The following CDH20 variants were observed in gnomAD, a reference collection of about 807,000 sequenced individuals.
CDH20 encodes cadherin-20.
A neutral mutation model predicts 74.2 loss-of-function variants in CDH20; 29 were observed. The observed-to-expected ratio is 0.39, with a 90% CI of 0.29 to 0.53. The LOEUF is 0.53. Ranked by LOEUF, CDH20 falls within the 20% of genes least tolerant of loss-of-function variation. CDH20 has a pLI of 0.69. For synonymous variants in CDH20, 469 were observed against 405.4 expected, an observed-to-expected ratio of 1.16 and a Z score of -1.88; for missense variants, 988 against 1,048.3, an observed-to-expected ratio of 0.94 and a Z score of 0.79.
intron 1 of CDH20, among the ~76,000 whole-genome samples, chr18:61,354,971 C>T (rs1910448867): frequency 6.6e-6 from 1 of 152,202 alleles, no homozygotes; most frequent in Admixed American, 6.5e-5. Context: ...CCGTAAAAAA[C>T]TGTGCTTAGG....
intron 6 of CDH20, among the ~76,000 whole-genome samples, chr18:61,517,565 C>G (rs757885666): frequency 2.6e-5 from 4 of 152,178 alleles, no homozygotes; most frequent in Admixed American, 6.5e-5. Context: ...CCAGATATTA[C>G]GCTTTTCCCA....
chr18:61,430,555 C>T (rs1254088173), intron 1 of CDH20, among the ~76,000 whole-genome samples: 1 of 151,816 alleles, frequency 6.6e-6, no homozygotes, highest in Non-Finnish European at 1.5e-5. Flanking sequence ...CTATGCTCCA[C>T]ATCTCTGAAA....
chr18:61,530,569 A>G (rs981781536), intron 7 of CDH20, among the ~76,000 whole-genome samples: 1 of 152,202 alleles, frequency 6.6e-6, no homozygotes, highest in African/African-American at 2.4e-5. Flanking sequence ...CATTTAACAA[A>G]TTATTAGGAC....
Position 61,555,573 on chromosome 18 carries a change from C to G in CDH20, c.*878C>G. 1 of 985,226 alleles carries G rather than the reference C, an allele frequency of 1.0e-6. No individual in the cohort carries two copies. Among genetic ancestry groups the G allele is most frequent in the Non-Finnish European group, 1.2e-6 (1 of 829,822 alleles). The allele number at this position is 985,226 out of a possible 1,614,324, so 61.0% of individuals were successfully genotyped here. A position where few individuals can be genotyped will look rare whatever the true frequency, so the allele number is the denominator to read the frequency against. On this transcript the variant is annotated 3_prime_UTR_variant, in exon 12 of 12. Coordinates refer to ENST00000262717, the MANE Select transcript of CDH20 (RefSeq NM_031891.4). The stretch of plus-strand genomic sequence containing the variant: ...ACAAAAGCATGGGTTAGAGGGCTTT[C>G]CTAATCTGTGTGAGGTCAATCCAAG...
intron 1 of CDH20, among the ~76,000 whole-genome samples, chr18:61,481,116 T>C (rs1453776561): frequency 6.6e-6 from 1 of 152,200 alleles, no homozygotes; most frequent in East Asian, 1.9e-4. Flanking sequence ...ATGTGCCAAG[T>C]ACTGCCCATA....
At position 61,448,253 on chromosome 18, in the gene CDH20, C is replaced by G. The variant is rs114581190; in HGVS notation, c.-152-42149C>G. Among the ~76,000 whole-genome samples the G allele has an allele frequency of 2.3e-3, 351 of 152,268 alleles. 1 individual carries two copies. Among genetic ancestry groups the G allele is most frequent in the Middle Eastern group, 6.8e-3 (2 of 294 alleles). The stretch of plus-strand genomic sequence containing the variant: ...AGGGGGAGCTATAGAAAGCCTAGCC[C>G]TCACCCAATTACAGCATGTATGGGA... On this transcript the variant is annotated intron_variant, in intron 1 of 11. Transcript: ENST00000262717.
intron 1 of CDH20, among the ~76,000 whole-genome samples, chr18:61,462,885 T>G (rs1260239362): frequency 6.6e-6 from 1 of 152,152 alleles, no homozygotes; most frequent in Admixed American, 6.5e-5. Context: ...ATAAAAGCCT[T>G]AGTGCCTAAA....
At chr18:61,351,893 A>G (rs940100597) in intron 1 of CDH20, among the ~76,000 whole-genome samples, 5 of 151,922 alleles carry the variant, frequency 3.3e-5, no homozygotes, top group Non-Finnish European at 7.4e-5. Flanking sequence ...ACAATTATCA[A>G]CCTCCCCTCA....
chr18:61,382,780 G>A (rs1000939292), intron 1 of CDH20, among the ~76,000 whole-genome samples: 1 of 152,202 alleles, frequency 6.6e-6, no homozygotes, highest in Non-Finnish European at 1.5e-5. Flanking sequence ...GATGATAGCA[G>A]GGAAGCTTAA....
chr18:61,513,210 A>G lies in CDH20; in HGVS notation c.1017+5650A>G, dbSNP rs573610526. Among the ~76,000 whole-genome samples, 36 of 146,282 alleles carry G rather than the reference A, an allele frequency of 2.5e-4. No individual in the cohort carries two copies. In the South Asian group the frequency reaches 8.3e-3, roughly 34 times the overall value. On this transcript the variant is annotated intron_variant, in intron 6 of 11. Coordinates refer to ENST00000262717, the MANE Select transcript of CDH20 (RefSeq NM_031891.4). ...TCCTGTATTGGGTGCATATATATTT[A>G]GGATAGTTAGCTCTTCTTGTTGAAT...
At chr18:61,387,358 A>C (rs1461483261) in intron 1 of CDH20, among the ~76,000 whole-genome samples, 1 of 152,204 alleles carries the variant, frequency 6.6e-6, no homozygotes, top group Non-Finnish European at 1.5e-5. Context: ...CTGAACTCAA[A>C]GTTGCAGCAA....
chr18:61,550,281 G>T (rs776382093), intron 11 of CDH20, 52 bp downstream of exon 11: 7 of 1,580,146 alleles, frequency 4.4e-6, no homozygotes, highest in Non-Finnish European at 6.0e-6. Context: ...TGCGCACTCA[G>T]ACATTTGTTC....
chr18:61,549,795 C>T, intron 10 of CDH20, 183 bp from the exon 11 acceptor site: 1 of 627,444 alleles, frequency 1.6e-6, no homozygotes, highest in South Asian at 2.2e-5. Flanking sequence ...TAAAAGCAAG[C>T]AAAAAGCATG....
chr18:61,415,861 C>A (rs1308598985), intron 1 of CDH20, among the ~76,000 whole-genome samples: 2 of 152,020 alleles, frequency 1.3e-5, no homozygotes, highest in African/African-American at 4.8e-5. Flanking sequence ...TGATATAATA[C>A]TTTGGGCAAT....
At chr18:61,392,314 A>T (rs1398625134) in intron 1 of CDH20, among the ~76,000 whole-genome samples, 1 of 152,048 alleles carries the variant, frequency 6.6e-6, no homozygotes, top group Non-Finnish European at 1.5e-5. Flanking sequence ...CACAGATGTC[A>T]TGTCCTCAGG....
chr18:61,347,963 T>G (rs138876313), intron 1 of CDH20, among the ~76,000 whole-genome samples: 129 of 152,300 alleles, frequency 8.5e-4, no homozygotes, highest in African/African-American at 3.0e-3. Context: ...ATAGTTTTAT[T>G]AGTTGATAAT....
chr18:61,520,098 C>T (rs144175635), intron 6 of CDH20, among the ~76,000 whole-genome samples: 3,947 of 150,692 alleles, frequency 0.026, 382 homozygotes, highest in African/African-American at 0.091. Context: ...GGGTGGATCA[C>T]GAGGTCAGGA....
At chr18:61,404,313 T>C (rs1311463931) in intron 1 of CDH20, among the ~76,000 whole-genome samples, 1 of 152,144 alleles carries the variant, frequency 6.6e-6, no homozygotes, top group Non-Finnish European at 1.5e-5. Context: ...AAAAACATGG[T>C]TTATTACTTA....
intron 1 of CDH20, among the ~76,000 whole-genome samples, chr18:61,401,994 T>C (rs1165401871): frequency 6.6e-6 from 1 of 152,176 alleles, no homozygotes; most frequent in East Asian, 1.9e-4. Flanking sequence ...TCAAATATAA[T>C]TGAGGGAATA....
Sources: allele counts gnomAD v4.1 joint callset (sites outside exome capture counted in the v4.1 genomes callset), GRCh38; gene constraint gnomAD v4.1.1; transcripts MANE v1.5; gene names NCBI Gene and HGNC (gene_info 2026-07-23, HGNC 2026-07-21).